STARD13: variants seen among roughly 807,000 people sequenced by gnomAD.
STARD13 encodes stAR-related lipid transfer protein 13.
Under a neutral mutation model 106.4 loss-of-function variants are expected in STARD13, and 62 were observed. That is an observed-to-expected ratio of 0.58 (90% CI 0.48 to 0.72). The LOEUF is 0.72. Among genes scored for constraint, STARD13 ranks in the 30% least tolerant of loss-of-function variants. The pLI is 0.00. For missense variants in STARD13, 1,387 were observed against 1,424.0 expected (o/e 0.97, Z 0.42); for synonymous variants, 565 against 553.0 (o/e 1.02, Z -0.31).
At chr13:33,150,658 C>G (rs1288896786) in intron 3 of STARD13, among the ~76,000 whole-genome samples, 1 of 152,184 alleles carries the variant, frequency 6.6e-6, no homozygotes, top group African/African-American at 2.4e-5. Flanking sequence ...CATGATGAAG[C>G]CTGTCCTCTT....
intron 1 of STARD13, among the ~76,000 whole-genome samples, chr13:33,222,658 T>C (rs757459735): frequency 6.6e-6 from 1 of 152,236 alleles, no homozygotes; most frequent in Non-Finnish European, 1.5e-5. Flanking sequence ...TCATGTCTAC[T>C]TCTCCTGGGT....
At chr13:33,193,063 A>G (rs1193641064) in intron 1 of STARD13, among the ~76,000 whole-genome samples, 1 of 152,222 alleles carries the variant, frequency 6.6e-6, no homozygotes, top group African/African-American at 2.4e-5. Context: ...GTGGATGAGA[A>G]AATGGCAAAG....
chr13:33,296,228 C>CA (rs35565794), intron 1 of STARD13, among the ~76,000 whole-genome samples: 31 of 144,360 alleles, frequency 2.1e-4, no homozygotes, highest in African/African-American at 7.6e-4. Context: ...GACTTCATCT[C>CA]AAAAAAAAAA....
chr13:33,235,022 C>T lies in STARD13; in HGVS notation c.169+50448G>A, dbSNP rs1214564386. Among the ~76,000 whole-genome samples, 6 of 152,228 alleles carry T rather than the reference C, an allele frequency of 3.9e-5. No individual in the cohort carries two copies. In the East Asian group the frequency reaches 7.7e-4, roughly 20 times the overall value. The stretch of plus-strand genomic sequence containing the variant: ...GTAAAAATGTTCAGAAAACTCCTTC[C>T]TCTGGTCTCTTGAAGCCATTAGTAC... On this transcript the variant is annotated intron_variant, in intron 1 of 13. Transcript: ENST00000336934.
chr13:33,445,526 A>C, the STARD13 span, among the ~76,000 whole-genome samples: 1 of 151,332 alleles, frequency 6.6e-6, no homozygotes, highest in East Asian at 1.9e-4. Flanking sequence ...TTATAGGTGA[A>C]TTATATCTCA....
At chr13:33,674,262 C>T in the STARD13 span, among the ~76,000 whole-genome samples, 1 of 152,180 alleles carries the variant, frequency 6.6e-6, no homozygotes, top group Non-Finnish European at 1.5e-5. Context: ...GTTGCATTCC[C>T]ACCTAATCTT....
chr13:33,572,054 A>G, the STARD13 span, among the ~76,000 whole-genome samples: 2 of 152,188 alleles, frequency 1.3e-5, no homozygotes, highest in Non-Finnish European at 2.9e-5. Context: ...AAAGAACTAT[A>G]TATTTGCTTC....
intron 1 of STARD13, among the ~76,000 whole-genome samples, chr13:33,299,118 A>G (rs1892614860): frequency 6.6e-6 from 1 of 152,246 alleles, no homozygotes; most frequent in South Asian, 2.1e-4. Flanking sequence ...AATTCAGTAC[A>G]GTAACATGCT....
At chr13:33,329,027 C>T in intron 1 of STARD13, among the ~76,000 whole-genome samples, 1 of 152,200 alleles carries the variant, frequency 6.6e-6, no homozygotes, top group East Asian at 1.9e-4. Flanking sequence ...CTGTTCAATG[C>T]ATATTCTCAA....
chr13:33,320,843 C>T (rs1893532788), intron 1 of STARD13, among the ~76,000 whole-genome samples: 1 of 152,092 alleles, frequency 6.6e-6, no homozygotes, highest in African/African-American at 2.4e-5. Context: ...GTGTACCATT[C>T]TAAATGGAAA....
chr13:33,110,965 A>C, intron 10 of STARD13, 58 bp from the exon 11 acceptor site: 66 of 1,469,182 alleles, frequency 4.5e-5, no homozygotes, highest in Non-Finnish European at 6.0e-5. Context: ...GCCGAGACTC[A>C]AAGAAAGCAA....
At chr13:33,252,446 CTA>C (rs906206126) in intron 1 of STARD13, among the ~76,000 whole-genome samples, 7 of 152,204 alleles carry the variant, frequency 4.6e-5, no homozygotes, top group African/African-American at 1.7e-4. Context: ...GATTTTCACT[CTA>C]TGGGCCATAT....
chr13:33,197,506 T>C (rs1048914233), intron 1 of STARD13, among the ~76,000 whole-genome samples: 1 of 152,032 alleles, frequency 6.6e-6, no homozygotes, highest in Admixed American at 6.6e-5. Flanking sequence ...CAAGTGGGCT[T>C]ATTGTCAGAG....
intron 1 of STARD13, among the ~76,000 whole-genome samples, chr13:33,251,018 G>C (rs1369506941): frequency 1.3e-5 from 2 of 152,196 alleles, no homozygotes; most frequent in African/African-American, 4.8e-5. Flanking sequence ...GAAGGGAAGG[G>C]AGACGTTATA....
At chr13:33,172,335 C>T (rs1884056829) in intron 1 of STARD13, among the ~76,000 whole-genome samples, 1 of 152,158 alleles carries the variant, frequency 6.6e-6, no homozygotes, top group South Asian at 2.1e-4. Context: ...AAGATTATAA[C>T]ATCAAGGTAG....
At chr13:33,543,561 A>C in the STARD13 span, among the ~76,000 whole-genome samples, 1 of 152,236 alleles carries the variant, frequency 6.6e-6, no homozygotes, top group African/African-American at 2.4e-5. Flanking sequence ...GTGGATATCA[A>C]AATATATAAT....
chr13:33,375,877 G>T, the STARD13 span, among the ~76,000 whole-genome samples: 1 of 152,044 alleles, frequency 6.6e-6, no homozygotes, highest in Non-Finnish European at 1.5e-5. Flanking sequence ...TGGTTTGGCT[G>T]ATTAAGTAAT....
the STARD13 span, among the ~76,000 whole-genome samples, chr13:33,532,133 T>C: frequency 6.6e-6 from 1 of 152,194 alleles, no homozygotes; most frequent in Admixed American, 6.5e-5. Context: ...GAAGCTCATT[T>C]TCTAGCAGGC....
intron 1 of STARD13, among the ~76,000 whole-genome samples, chr13:33,238,584 A>G (rs1889312219): frequency 6.6e-6 from 1 of 152,108 alleles, no homozygotes; most frequent in Non-Finnish European, 1.5e-5. Context: ...GCCATATGAA[A>G]GAAAGTTTCA....
Sources: gnomAD v4.1 joint callset for allele counts (sites outside exome capture counted in the v4.1 genomes callset) on GRCh38, gnomAD v4.1.1 for gene constraint, MANE v1.5 for transcripts, NCBI Gene and HGNC (gene_info 2026-07-23, HGNC 2026-07-21) for gene names.